The following TFB1M variants were observed in gnomAD, a reference collection of about 807,000 sequenced individuals.
TFB1M encodes the protein dimethyladenosine transferase 1, mitochondrial.
Under a neutral mutation model 31.1 loss-of-function variants are expected in TFB1M, and 27 were observed. The observed-to-expected ratio is 0.87, with a 90% CI of 0.64 to 1.20. The LOEUF (loss-of-function observed/expected upper bound fraction) is 1.20, where lower values mean the gene tolerates loss of function less well. TFB1M is among the 50% of genes most tolerant of loss of function. The pLI, the probability that TFB1M is intolerant of heterozygous loss-of-function variation, is 0.00. For missense variants in TFB1M, 394 were observed against 418.7 expected, an observed-to-expected ratio of 0.94 and a Z score of 0.51; for synonymous variants, 166 against 151.8, an observed-to-expected ratio of 1.09 and a Z score of -0.69.
At chr6:155,299,214 A>T (rs933438874) in intron 2 of TFB1M, among the ~76,000 whole-genome samples, 1 of 152,024 alleles carries the variant, frequency 6.6e-6, no homozygotes, top group African/African-American at 2.4e-5. Flanking sequence ...AACAATAGCT[A>T]CTTCCCAACC....
At chr6:155,242,901 A>ATTT in the TFB1M span, among the ~76,000 whole-genome samples, 235 of 131,906 alleles carry the variant, frequency 1.8e-3, 1 homozygote, top group African/African-American at 5.2e-3. Flanking sequence ...ACACCCAGCT[A>ATTT]TTTTTTTTTT....
chr6:155,293,748 T>G (rs571943568), intron 4 of TFB1M, among the ~76,000 whole-genome samples: 107 of 152,338 alleles, frequency 7.0e-4, no homozygotes, highest in African/African-American at 2.3e-3. Flanking sequence ...ATTATTTATC[T>G]CCAAATAATA....
chr6:155,304,170 T>C (rs1005345331), intron 2 of TFB1M, among the ~76,000 whole-genome samples: 12 of 152,064 alleles, frequency 7.9e-5, no homozygotes, highest in Non-Finnish European at 1.5e-4. Context: ...TAATTCCAGC[T>C]ACTCGTCAGG....
intron 5 of TFB1M, among the ~76,000 whole-genome samples, chr6:155,284,135 GC>G (rs1776514717): frequency 6.6e-6 from 1 of 152,206 alleles, no homozygotes; most frequent in African/African-American, 2.4e-5. Context: ...TGAACGCTCA[GC>G]TAACTGGCCA....
At chr6:155,265,393 T>C (rs1404376018) in intron 5 of TFB1M, among the ~76,000 whole-genome samples, 1 of 152,178 alleles carries the variant, frequency 6.6e-6, no homozygotes, top group Non-Finnish European at 1.5e-5. Context: ...ACAAATATAG[T>C]AATTCATAAT....
chr6:155,232,106 A>AG, the TFB1M span, among the ~76,000 whole-genome samples: 1 of 151,984 alleles, frequency 6.6e-6, no homozygotes, highest in African/African-American at 2.4e-5. Flanking sequence ...AACAAAAAAA[A>AG]ACAAAAACTG....
chr6:155,293,583 G>A (rs1777029084), intron 4 of TFB1M, among the ~76,000 whole-genome samples: 1 of 152,086 alleles, frequency 6.6e-6, no homozygotes, highest in Non-Finnish European at 1.5e-5. Context: ...TAGATATACA[G>A]AATTCTTGGA....
rs942312355 is a variant in TFB1M, at chr6:155,282,836, T to C, written c.666+2322A>G. On this transcript the variant is annotated intron_variant, in intron 5 of 6. Coordinates refer to ENST00000367166, the MANE Select transcript of TFB1M (RefSeq NM_016020.4). The stretch of plus-strand genomic sequence containing the variant: ...TCCGCCTCCCGGGTTCATGCCATTC[T>C]CCTGCCTCAGCCTCCTGAGTAGCTG... 7.9e-5 allele frequency among the ~76,000 whole-genome samples: 12 copies of C among 152,126 alleles called. No individual in the cohort carries two copies. In the East Asian group the frequency reaches 2.3e-3, roughly 30 times the overall value.
At chr6:155,268,540 A>G (rs1583318702) in intron 5 of TFB1M, among the ~76,000 whole-genome samples, 1 of 152,352 alleles carries the variant, frequency 6.6e-6, no homozygotes, top group East Asian at 1.9e-4. Context: ...AAAGACAATA[A>G]AAGCCTACCT....
intron 2 of TFB1M, among the ~76,000 whole-genome samples, chr6:155,309,119 A>G (rs893882851): frequency 2.3e-4 from 35 of 152,242 alleles, no homozygotes; most frequent in African/African-American, 8.4e-4. Flanking sequence ...AAAAGAGCAT[A>G]AAACTTTTTC....
chr6:155,307,583 C>T (rs373654572), intron 2 of TFB1M, among the ~76,000 whole-genome samples: 2 of 152,230 alleles, frequency 1.3e-5, no homozygotes, highest in East Asian at 3.9e-4. Flanking sequence ...ACGGGAGCTA[C>T]AAGAGGAGAT....
intron 6 of TFB1M, among the ~76,000 whole-genome samples, chr6:155,258,523 AC>A (rs1199710388): frequency 7.4e-6 from 1 of 135,748 alleles, no homozygotes; most frequent in Admixed American, 7.8e-5. Flanking sequence ...TAAAAGAGTT[AC>A]TTTTTTTTGC....
chr6:155,268,820 G>A (rs150024706), intron 5 of TFB1M, among the ~76,000 whole-genome samples: 2 of 150,188 alleles, frequency 1.3e-5, no homozygotes, highest in African/African-American at 2.5e-5. Context: ...GCGGAAGGCC[G>A]CAGGGTCCTC....
At chr6:155,243,504 T>C in the TFB1M span, among the ~76,000 whole-genome samples, 1 of 152,178 alleles carries the variant, frequency 6.6e-6, no homozygotes, top group African/African-American at 2.4e-5. Flanking sequence ...TATTGTGATA[T>C]TAAACTCTTT....
intron 6 of TFB1M, among the ~76,000 whole-genome samples, chr6:155,259,569 G>C (rs764179150): frequency 5.3e-5 from 8 of 152,368 alleles, no homozygotes; most frequent in South Asian, 4.1e-4. Flanking sequence ...TAGAAAATGA[G>C]AAATATGTGC....
At chr6:155,266,772 G>A (rs1181339793) in intron 5 of TFB1M, among the ~76,000 whole-genome samples, 4 of 147,634 alleles carry the variant, frequency 2.7e-5, no homozygotes, top group African/African-American at 7.6e-5. Context: ...GCGTGAGCCT[G>A]GGAGGCGGAG....
intron 5 of TFB1M, among the ~76,000 whole-genome samples, chr6:155,262,530 C>A (rs140575882): frequency 1.3e-4 from 20 of 152,280 alleles, no homozygotes; most frequent in Non-Finnish European, 1.2e-4. Flanking sequence ...TCCAGTTCTC[C>A]CAGTGACAAA....
chr6:155,238,279 A>G, the TFB1M span, among the ~76,000 whole-genome samples: 61 of 152,260 alleles, frequency 4.0e-4, no homozygotes, highest in African/African-American at 1.4e-3. Context: ...CTCAGCCTGG[A>G]CCTTATTATT....
chr6:155,299,180 C>T (rs1777318458), intron 2 of TFB1M, among the ~76,000 whole-genome samples: 1 of 152,134 alleles, frequency 6.6e-6, no homozygotes, highest in Non-Finnish European at 1.5e-5. Flanking sequence ...CCCTTATCGA[C>T]CTAATGAATT....
Sources: allele counts gnomAD v4.1 joint callset (sites outside exome capture counted in the v4.1 genomes callset), GRCh38; gene constraint gnomAD v4.1.1; transcripts MANE v1.5; gene names NCBI Gene and HGNC (gene_info 2026-07-23, HGNC 2026-07-21).